ABCF3: variants seen among roughly 807,000 people sequenced by gnomAD.
The protein encoded by ABCF3 is ATP binding cassette subfamily F member 3.
In ABCF3, 62 loss-of-function variants were observed where a neutral mutation model predicts 94.3. The observed-to-expected ratio is 0.66, with a 90% CI of 0.54 to 0.81. The LOEUF (loss-of-function observed/expected upper bound fraction) is 0.81. ABCF3 is among the 40% of genes least tolerant of loss of function. The pLI is 0.00. For missense variants in ABCF3, 843 were observed against 925.3 expected, an observed-to-expected ratio of 0.91 and a Z score of 1.15; for synonymous variants, 355 against 361.1, an observed-to-expected ratio of 0.98 and a Z score of 0.19.
Position 184,193,798 on chromosome 3 carries a change from T to C in ABCF3, c.*100T>C. 8 of 1,341,552 alleles carry C rather than the reference T, an allele frequency of 6.0e-6. No homozygotes were observed. The highest frequency in any genetic ancestry group is 8.0e-6 in the Non-Finnish European group (8 of 997,504). The allele number at this position is 1,341,552 out of a possible 1,614,324, so 83.1% of individuals were successfully genotyped here. The stretch of plus-strand genomic sequence containing the variant: ...TCCAGGCCGTGGACTTCCCCCAACT[T>C]GGGGACAGCCTTATTCCCAAATGTC... On this transcript the variant is annotated 3_prime_UTR_variant, in exon 21 of 21. Coordinates refer to ENST00000429586, the MANE Select transcript of ABCF3 (RefSeq NM_018358.3). This position sits in a 1 kb window ranked among gnomAD's most constrained non-coding sequence, Gnocchi z 5.2.
At position 184,193,079 on chromosome 3, in the gene ABCF3, T is replaced by C; in HGVS notation, c.1751-23T>C. ...GAGGGTGTTGGGCCAAGAAGCCACC[T>C]GATCTGGGGAGTCCTTTTCCAGGGC... On this transcript the variant is annotated intron_variant, in intron 18 of 20. Transcript: ENST00000429586. The surrounding 1 kb of genome is among the most constrained non-coding windows in gnomAD (Gnocchi z 5.2). 2.0e-6 allele frequency: 3 copies of C among 1,531,654 alleles called. No homozygotes were observed. The highest frequency in any genetic ancestry group is 2.6e-6 in the Non-Finnish European group (3 of 1,140,520). 94.9% of individuals were successfully genotyped at this position (1,531,654 alleles called of 1,614,324 possible). A position where few individuals can be genotyped will look rare whatever the true frequency, so the allele number is the denominator to read the frequency against.
chr3:184,186,645 C>G lies in ABCF3; in HGVS notation c.212C>G (p.Thr71Ser). 2.5e-6 allele frequency: 4 copies of G among 1,608,954 alleles called. No individual in the cohort carries two copies. Among genetic ancestry groups the G allele is most frequent in the Non-Finnish European group, 3.4e-6 (4 of 1,177,100 alleles). ...GCCGTGTGCCAGCGCATGTACAACA[C>G]TCTGCGTCTGTATGTGCCAGGGAGT... ...IRAVCQRMYN[T>S]LRLAEPQSQG... The change falls in exon 2 of 21, where the codon ACT becomes AGT. Residue 71 changes from threonine (T) to serine (S), a missense_variant. Coordinates refer to ENST00000429586, the MANE Select transcript of ABCF3 (RefSeq NM_018358.3).
chr3:184,192,028 G>A (rs537953204), intron 16 of ABCF3, among the ~76,000 whole-genome samples: 1 of 152,206 alleles, frequency 6.6e-6, no homozygotes, highest in South Asian at 2.1e-4. Flanking sequence ...ATACAGGCCT[G>A]AGCCACCGTG....
chr3:184,189,821 A>T (rs746568070), intron 13 of ABCF3, 34 bp from the exon 14 acceptor site: 2 of 1,613,808 alleles, frequency 1.2e-6, no homozygotes, highest in South Asian at 1.1e-5. Flanking sequence ...ATAGTGGGGG[A>T]ATTTGACCAA....
At position 184,187,217 on chromosome 3, in the gene ABCF3, A is replaced by AGTTTTGTTTT. The variant is rs61291330; in HGVS notation, c.302-159_302-150dup. On this transcript the variant is annotated intron_variant, in intron 3 of 20. Coordinates refer to ENST00000429586, the MANE Select transcript of ABCF3 (RefSeq NM_018358.3). ...CTATGCCTCTGTATCCTTCTACGTG[A>AGTTTTGTTTT]GTTTTGTTTTGTTTTGTTTTGTTTT... 9.1e-3 allele frequency: 6,752 copies of AGTTTTGTTTT among 742,590 alleles called. 327 individuals carry two copies. The African/African-American group carries it at 0.11, about 12-fold the overall frequency. 46.0% of individuals were successfully genotyped at this position (742,590 alleles called of 1,614,324 possible).
Position 184,193,117 on chromosome 3 carries a change from A to G in ABCF3, c.1766A>G (p.Glu589Gly). The G allele has an allele frequency of 6.5e-7, 1 of 1,542,676 alleles. No homozygotes were observed. Among genetic ancestry groups the G allele is most frequent in the Non-Finnish European group, 8.7e-7 (1 of 1,146,036 alleles). ...ARKFPGRPEEEYRHQLGRYGI... is the reference protein window; with the variant it reads ...ARKFPGRPEEGYRHQLGRYGI... ...CCTTTTCCAGGGCGGCCTGAGGAGG[A>G]GTACCGTCACCAGCTGGGTCGGTAT... Residue 589 changes from glutamate (E) to glycine (G), a missense_variant, in exon 19 of 21, where the codon GAG becomes GGG. Coordinates refer to ENST00000429586, the MANE Select transcript of ABCF3 (RefSeq NM_018358.3). This position sits in a 1 kb window ranked among gnomAD's most constrained non-coding sequence, Gnocchi z 5.2.
intron 3 of ABCF3, 34 bp downstream of exon 3, chr3:184,186,909 C>A (rs1446086038): frequency 1.3e-6 from 2 of 1,596,216 alleles, no homozygotes; most frequent in East Asian, 2.2e-5. Context: ...TAACTGCCCC[C>A]CTGTGCTTTT....
chr3:184,187,145 C>T (rs544487318), intron 3 of ABCF3: 1 of 632,122 alleles, frequency 1.6e-6, no homozygotes, highest in East Asian at 2.8e-5. Context: ...AACTTGCTAA[C>T]CAGCTGCATG....
intron 14 of ABCF3, 167 bp downstream of exon 14, chr3:184,190,098 T>G: frequency 1.5e-6 from 1 of 678,108 alleles, no homozygotes. Context: ...CTTGGAGGGC[T>G]AATCTTGACT....
chr3:184,193,325 G>T lies in ABCF3; in HGVS notation c.1884-40G>T, dbSNP rs372786209. 2.4e-5 allele frequency: 38 copies of T among 1,613,312 alleles called. No homozygotes were observed. The Middle Eastern group carries it at 6.6e-4, about 28-fold the overall frequency. ...TCAGAAGGCTTTATTTTCTCTCACCGCACCCCTTCACTGCCCACCTTCCTG... is the reference window on the plus strand; with the variant it reads ...TCAGAAGGCTTTATTTTCTCTCACCTCACCCCTTCACTGCCCACCTTCCTG... On this transcript the variant is annotated intron_variant, in intron 19 of 20. Transcript: ENST00000429586. The surrounding 1 kb of genome is among the most constrained non-coding windows in gnomAD (Gnocchi z 5.2).
rs771043835 is a variant in ABCF3 at position 184,193,251 on chromosome 3, C to T, written c.1883+17C>T. The T allele has an allele frequency of 1.9e-6, 3 of 1,576,964 alleles. No homozygotes were observed. In the Admixed American group the frequency reaches 5.4e-5, roughly 28 times the overall value. On this transcript the variant is annotated intron_variant, in intron 19 of 20. Transcript: ENST00000429586. The surrounding 1 kb of genome is among the most constrained non-coding windows in gnomAD (Gnocchi z 5.2). ...TATGCCCTGGTGAGGCCTCATTTTC[C>T]AGAGCTCTTCCCCTCCCATTTCCCC...
rs1362755252 is a variant in ABCF3 at position 184,193,524 on chromosome 3, C to T, written c.1972-16C>T. On this transcript the variant is annotated splice_polypyrimidine_tract_variant and intron_variant, in intron 20 of 20. Transcript: ENST00000429586. This position sits in a 1 kb window ranked among gnomAD's most constrained non-coding sequence, Gnocchi z 5.2. Reference sequence around the variant, plus strand: ...CTTGTGTCCCCCTGAGCACCTCCTGCCCTCCTGTCTTTCAGGGTGGTGTGA... The same window carrying T: ...CTTGTGTCCCCCTGAGCACCTCCTGTCCTCCTGTCTTTCAGGGTGGTGTGA... The T allele has an allele frequency of 6.2e-7, 1 of 1,614,088 alleles. No individual in the cohort carries two copies. Among genetic ancestry groups the T allele is most frequent in the African/African-American group, 1.3e-5 (1 of 75,058 alleles).
At chr3:184,187,790 G>A in intron 5 of ABCF3, 29 bp downstream of exon 5, 1 of 1,614,180 alleles carries the variant, frequency 6.2e-7, no homozygotes, top group Admixed American at 1.7e-5. Context: ...GCTCAGAAGA[G>A]AGCAGAGCAG....
At chr3:184,187,241 T>C in intron 3 of ABCF3, 156 bp from the exon 4 acceptor site, 1 of 845,914 alleles carries the variant, frequency 1.2e-6, no homozygotes, top group South Asian at 1.5e-5. Context: ...TTGTTTTGTT[T>C]TGTTTTTAGT....
At chr3:184,189,222 C>G (rs372497415) in intron 10 of ABCF3, 33 bp from the exon 11 acceptor site, 210 of 1,614,052 alleles carry the variant, frequency 1.3e-4, no homozygotes, top group Non-Finnish European at 1.3e-4. Context: ...AGTTGCTGAC[C>G]TAAAACCTCA....
At position 184,187,736 on chromosome 3, in the gene ABCF3, G is replaced by A; in HGVS notation, c.421G>A (p.Asp141Asn). Residue 141 changes from aspartate to asparagine, a missense_variant, in exon 5 of 21, where the codon GAC (aspartate) becomes AAC (asparagine). Asp to Asn is a conservative substitution (Grantham distance 23, BLOSUM62 1). Coordinates refer to ENST00000429586, the MANE Select transcript of ABCF3 (RefSeq NM_018358.3). Reference protein sequence around the residue: ...KAKQEKRSEKDTLKTSNPLVL... With the variant: ...KAKQEKRSEKNTLKTSNPLVL... ...AAAGCAGGAGAAGCGCTCAGAGAAG[G>A]ACACGCTCAAGACCAGCAACCCTCT... 1.9e-6 allele frequency: 3 copies of A among 1,614,216 alleles called. No individual in the cohort carries two copies. The highest frequency in any genetic ancestry group is 2.5e-6 in the Non-Finnish European group (3 of 1,180,042).
chr3:184,186,839 G>T lies in ABCF3; in HGVS notation c.265G>T (p.Ala89Ser). The change falls in exon 3 of 21, where the codon GCC becomes TCC. Residue 89 changes from alanine to serine, a missense_variant. Coordinates refer to ENST00000429586, the MANE Select transcript of ABCF3 (RefSeq NM_018358.3). ...SQGNSQVLLD[A>S]PIQLSKITEN... Reference sequence around the variant, plus strand: ...GGGAAATAGCCAGGTGCTACTGGACGCCCCTATCCAGTTGTCAAAGATAAC... The same window carrying T: ...GGGAAATAGCCAGGTGCTACTGGACTCCCCTATCCAGTTGTCAAAGATAAC... 6.2e-7 allele frequency: 1 copy of T among 1,614,040 alleles called. No homozygotes were observed. The highest frequency in any genetic ancestry group is 8.5e-7 in the Non-Finnish European group (1 of 1,179,982).
rs1256279224 is a variant in ABCF3, at chr3:184,190,944, G to A, written c.1392-55G>A. The A allele has an allele frequency of 3.8e-6, 6 of 1,595,192 alleles. No homozygotes were observed. In the African/African-American group the frequency reaches 8.1e-5, roughly 21 times the overall value. ...TTTTCTCTGAACATATATTACTCGT[G>A]TAGGAAGTTATTTTTTTAAGTAATA... is the stretch of plus-strand genomic sequence containing the variant. On this transcript the variant is annotated intron_variant, in intron 14 of 20. Transcript: ENST00000429586.
Position 184,193,421 on chromosome 3 carries a change from A to C in ABCF3, c.1940A>C (p.Glu647Ala), listed in dbSNP as rs1209436530. The change falls in exon 20 of 21, where the codon GAG (glutamate) becomes GCG (alanine). Residue 647 changes from glutamate (E) to alanine (A), a missense_variant. Coordinates refer to ENST00000429586, the MANE Select transcript of ABCF3 (RefSeq NM_018358.3). This position sits in a 1 kb window ranked among gnomAD's most constrained non-coding sequence, Gnocchi z 5.2. ...AACCACCTGGACATGGAGACCATTG[A>C]GGCTCTGGGCCGTGCCCTCAACAAT... ...PTNHLDMETI[E>A]ALGRALNNFR... 1 of 1,613,974 alleles carries C rather than the reference A, an allele frequency of 6.2e-7. No individual in the cohort carries two copies. Among genetic ancestry groups the C allele is most frequent in the Non-Finnish European group, 8.5e-7 (1 of 1,180,024 alleles).
Sources: gnomAD v4.1 joint callset for allele counts (sites outside exome capture counted in the v4.1 genomes callset) on GRCh38, gnomAD v4.1.1 for gene constraint, Gnocchi (gnomAD v3.1) non-coding constraint, MANE v1.5 for transcripts, NCBI Gene and HGNC (gene_info 2026-07-23, HGNC 2026-07-21) for gene names.